Variants in RBMX observed in about 807,000 individuals in gnomAD.
The protein encoded by RBMX is RNA-binding motif protein, X chromosome.
Under a neutral mutation model 29.3 loss-of-function variants are expected in RBMX, and 1 was observed. The ratio of observed to expected loss-of-function variants is 0.03; its 90% CI spans 0.01 to 0.16. RBMX has a LOEUF of 0.16. Ranked by LOEUF, RBMX falls within the 10% of genes least tolerant of loss-of-function variation. RBMX has a pLI of 1.00. For missense variants in RBMX, 121 were observed against 333.2 expected (o/e 0.36, Z 4.96); for synonymous variants, 102 against 102.3 (o/e 1.00, Z 0.02).
At chrX:136,876,385 G>A in intron 5 of RBMX, 118 bp downstream of exon 5, 3 of 834,831 alleles carry the variant, frequency 3.6e-6, no homozygotes, top group Non-Finnish European at 4.9e-6. Context: ...GCCTCCCAAA[G>A]TGCTAGGATT....
At chrX:136,872,330 G>T, downstream of RBMX, 1 of 1,165,496 alleles carries the variant, frequency 8.6e-7, no homozygotes. Flanking sequence ...CGACCATAAT[G>T]AGCAAAATCA....
chrX:136,872,353 AGTT>A, downstream of RBMX: 1 of 1,160,848 alleles, frequency 8.6e-7, no homozygotes, highest in Non-Finnish European at 1.2e-6. Flanking sequence ...AACCTGCAAA[AGTT>A]AAATAAATGA....
At chrX:136,870,648 C>G (rs980488572), downstream of RBMX, among the ~76,000 whole-genome samples, 6 of 108,080 alleles carry the variant, frequency 5.6e-5, no homozygotes, top group African/African-American at 1.7e-4. Context: ...CTGGCCAACA[C>G]AGTGAAACCC....
At chrX:136,880,431 C>G (rs1020808581) in intron 1 of RBMX, among the ~76,000 whole-genome samples, 166 bp downstream of exon 1, 1 of 112,029 alleles carries the variant, frequency 8.9e-6, no homozygotes, top group Non-Finnish European at 1.9e-5. Flanking sequence ...ACCAAACGGG[C>G]CCCCTCATTT....
At chrX:136,875,933 C>G (rs1248722031) in intron 5 of RBMX, among the ~76,000 whole-genome samples, 1 of 108,856 alleles carries the variant, frequency 9.2e-6, no homozygotes, top group Non-Finnish European at 1.9e-5. Context: ...TCCCGAGTAG[C>G]TGGGATTACA....
At position 136,876,493 on chromosome X, in the gene RBMX, G is replaced by T; in HGVS notation, c.541+10C>A. On this transcript the variant is annotated intron_variant, in intron 5 of 8. Transcript: ENST00000320676. ...GTAGTAGCATAAATCATCATACATG[G>T]AACATTTACCTCTTCCTCCCATTCC... The T allele has an allele frequency of 8.6e-7, 1 of 1,165,642 alleles. No homozygotes were observed. The highest frequency in any genetic ancestry group is 1.1e-6 in the Non-Finnish European group (1 of 876,618).
At chrX:136,879,496 C>G in intron 1 of RBMX, 43 bp from the exon 2 acceptor site, 2 of 1,037,122 alleles carry the variant, frequency 1.9e-6, no homozygotes, top group Non-Finnish European at 2.6e-6. Context: ...AAAAGTTCCT[C>G]AAGTTTATTG....
chrX:136,875,533 C>T lies in RBMX; in HGVS notation c.594G>A (p.Pro198=), dbSNP rs146041009. Residue 198 remains proline (P), a synonymous_variant, in exon 6 of 9, where the codon CCG becomes CCA. Coordinates refer to ENST00000320676, the MANE Select transcript of RBMX (RefSeq NM_002139.4). ...AATAAACATCTCTACGAGAGGGCAG[C>T]GGTTCCCTTCGAGGTGGACCTCCAT... The part of the protein sequence containing the change: ...DSYGGPPRRE[P]LPSRRDVYLS... 403 of 1,209,842 alleles carry T rather than the reference C, an allele frequency of 3.3e-4. No homozygotes were observed. Among genetic ancestry groups the T allele is most frequent in the African/African-American group, 3.0e-3 (171 of 57,252 alleles).
chrX:136,869,724 C>CAAA (rs773739390), downstream of RBMX: 1 of 106,692 alleles, frequency 9.4e-6, no homozygotes, highest in African/African-American at 3.4e-5. Context: ...ACGACAAAAA[C>CAAA]AAAAAAAAAA....
downstream of RBMX, chrX:136,872,424 T>C (rs547762167): frequency 3.4e-5 from 30 of 890,391 alleles, no homozygotes; most frequent in South Asian, 5.3e-4. Context: ...CTGCCCTCTT[T>C]TCCAGAAAGA....
chrX:136,876,360 G>C (rs1451018276), intron 5 of RBMX, 143 bp downstream of exon 5: 17 of 571,182 alleles, frequency 3.0e-5, no homozygotes, highest in Middle Eastern at 6.6e-4. Context: ...TTGACACCGT[G>C]ATCCGTCTGC....
chrX:136,877,837 T>C, intron 4 of RBMX, 78 bp downstream of exon 4: 3 of 1,018,449 alleles, frequency 2.9e-6, no homozygotes, highest in Non-Finnish European at 2.6e-6. Context: ...CCTCAAGGAC[T>C]TAACCAAAGC....
chrX:136,877,030 G>C (rs928994737), intron 4 of RBMX, among the ~76,000 whole-genome samples: 1 of 107,597 alleles, frequency 9.3e-6, no homozygotes, highest in Non-Finnish European at 1.9e-5. Flanking sequence ...AGTTTTCTTT[G>C]CTTCATCAAG....
rs762912205 is a variant in RBMX, at chrX:136,877,827, C to T, written c.388+88G>A. On this transcript the variant is annotated intron_variant, in intron 4 of 8. Transcript: ENST00000320676. The stretch of plus-strand genomic sequence containing the variant: ...GTCAATTTCAAAAGTTGGCACCTTT[C>T]CTCAAGGACTTAACCAAAGCATCCA... 2.6e-5 allele frequency: 25 copies of T among 951,165 alleles called. 1 individual carries two copies. The South Asian group carries it at 8.0e-4, about 31-fold the overall frequency. 78.4% of individuals were successfully genotyped at this position (951,165 alleles called of 1,213,427 possible).
At chrX:136,872,317 C>T, downstream of RBMX, 1 of 1,166,565 alleles carries the variant, frequency 8.6e-7, no homozygotes, top group Middle Eastern at 2.3e-4. Context: ...AATCAGCACT[C>T]CACGACCATA....
At position 136,880,082 on chromosome X, in the gene RBMX, G is replaced by A. The variant is rs150593911; in HGVS notation, c.-27+515C>T. 9.4e-4 allele frequency among the ~76,000 whole-genome samples: 106 copies of A among 112,325 alleles called. No homozygotes were observed. In the East Asian group the frequency reaches 0.021, roughly 23 times the overall value. ...CACTAACACTCGACACTCCGTGACT[G>A]CAGCGGAACCTAATTAAAACTCGTC... is the stretch of plus-strand genomic sequence containing the variant. On this transcript the variant is annotated intron_variant, in intron 1 of 8. Transcript: ENST00000320676.
intron 5 of RBMX, 137 bp from the exon 6 acceptor site, chrX:136,875,722 C>T (rs1423427060): frequency 1.1e-6 from 1 of 874,731 alleles, no homozygotes; most frequent in Non-Finnish European, 1.5e-6. Flanking sequence ...ATTTTATTTT[C>T]TACAATTTCC....
chrX:136,877,630 A>G (rs1441542481), intron 4 of RBMX, among the ~76,000 whole-genome samples: 1 of 109,751 alleles, frequency 9.1e-6, no homozygotes, highest in Admixed American at 9.7e-5. Context: ...TTAAAAAATA[A>G]AAATGATTTC....
rs867563473 is a variant in RBMX, at chrX:136,877,337, C to A, written c.388+578G>T. 4.7e-5 allele frequency among the ~76,000 whole-genome samples: 4 copies of A among 85,403 alleles called. 1 individual carries two copies. Among genetic ancestry groups the A allele is most frequent in the African/African-American group, 8.4e-5 (2 of 23,947 alleles). 74.2% of individuals were successfully genotyped at this position (85,403 alleles called of 115,157 possible). A position where few individuals can be genotyped will look rare whatever the true frequency, so the allele number is the denominator to read the frequency against. Reference sequence around the variant, plus strand: ...ACAAGTGCTAAACTCTACCCCCCCCCCCCCAAAAAAAAACCATTATTGATT... The same window carrying A: ...ACAAGTGCTAAACTCTACCCCCCCCACCCCAAAAAAAAACCATTATTGATT... On this transcript the variant is annotated intron_variant, in intron 4 of 8. Transcript: ENST00000320676.
Sources: gnomAD v4.1 joint callset for allele counts (sites outside exome capture counted in the v4.1 genomes callset) on GRCh38, gnomAD v4.1.1 for gene constraint, MANE v1.5 for transcripts, NCBI Gene and HGNC (gene_info 2026-07-23, HGNC 2026-07-21) for gene names.